Variants in LRP1B observed in about 807,000 individuals in gnomAD.
The protein encoded by LRP1B is low-density lipoprotein receptor-related protein 1B.
In LRP1B, 217 loss-of-function variants were observed where a neutral mutation model predicts 556.6. The ratio of observed to expected loss-of-function variants is 0.39; its 90% CI spans 0.35 to 0.44. LRP1B has a LOEUF of 0.44. Among genes scored for constraint, LRP1B ranks in the 20% least tolerant of loss-of-function variants. The pLI is 1.00. For synonymous variants in LRP1B, 2,047 were observed against 1,865.8 expected, an observed-to-expected ratio of 1.10 and a Z score of -2.50; for missense variants, 5,053 against 5,620.8, an observed-to-expected ratio of 0.90 and a Z score of 3.23.
chr2:141,685,042 T>C (rs764059502), intron 2 of LRP1B, among the ~76,000 whole-genome samples: 1 of 152,160 alleles, frequency 6.6e-6, no homozygotes, highest in Non-Finnish European at 1.5e-5. Context: ...TGGAGTTTTA[T>C]TTGTATTTCT....
intron 7 of LRP1B, among the ~76,000 whole-genome samples, chr2:141,145,922 C>CTTTTTTTTTTTTTTTTTTTTTTT (rs70991144): frequency 6.0e-5 from 4 of 67,204 alleles, no homozygotes; most frequent in Non-Finnish European, 8.0e-5. Flanking sequence ...TTCTTTCTTT[C>CTTTTTTTTTTTTTTTTTTTTTTT]TTTTTTTTTT....
chr2:140,301,204 G>T (rs1306950830), intron 83 of LRP1B, among the ~76,000 whole-genome samples: 1 of 151,988 alleles, frequency 6.6e-6, no homozygotes, highest in East Asian at 1.9e-4. Flanking sequence ...CTAAAGGAAA[G>T]AACACACATA....
intron 66 of LRP1B, among the ~76,000 whole-genome samples, chr2:140,425,052 CG>C (rs1463932636): frequency 6.6e-6 from 1 of 151,060 alleles, no homozygotes; most frequent in South Asian, 2.1e-4. Context: ...CTTGGAGGGA[CG>C]TTTTTTTTTT....
At chr2:140,271,541 A>G (rs1682462900) in intron 85 of LRP1B, among the ~76,000 whole-genome samples, 1 of 151,946 alleles carries the variant, frequency 6.6e-6, no homozygotes, top group African/African-American at 2.4e-5. Context: ...TTGTGTAGCT[A>G]CTGGAAATGC....
intron 41 of LRP1B, among the ~76,000 whole-genome samples, chr2:140,622,624 T>A (rs766821315): frequency 5.9e-5 from 9 of 152,216 alleles, no homozygotes; most frequent in Non-Finnish European, 1.0e-4. Flanking sequence ...ATTAGAACTT[T>A]AATTAATTTT....
At chr2:140,289,302 CTTTATCTAACT>C (rs1477450101) in intron 84 of LRP1B, among the ~76,000 whole-genome samples, 1 of 151,936 alleles carries the variant, frequency 6.6e-6, no homozygotes, top group Non-Finnish European at 1.5e-5. Flanking sequence ...TCGAAGTCCG[CTTTATCTAACT>C]TTTACTCTAA....
At chr2:142,060,402 T>C (rs1010870568) in intron 1 of LRP1B, among the ~76,000 whole-genome samples, 2 of 152,064 alleles carry the variant, frequency 1.3e-5, no homozygotes, top group African/African-American at 4.8e-5. Context: ...GGAGAAAATC[T>C]ATTGTCAGGG....
intron 22 of LRP1B, among the ~76,000 whole-genome samples, chr2:140,905,662 G>A (rs566904048): frequency 1.3e-5 from 2 of 152,114 alleles, no homozygotes; most frequent in Non-Finnish European, 2.9e-5. Context: ...CCCAGGTGGC[G>A]TAATCTTGTG....
At chr2:140,440,517 CA>C (rs542912567) in intron 66 of LRP1B, among the ~76,000 whole-genome samples, 1 of 152,094 alleles carries the variant, frequency 6.6e-6, no homozygotes, top group Non-Finnish European at 1.5e-5. Flanking sequence ...AGAATCATCC[CA>C]GGGAGTTTTA....
intron 2 of LRP1B, among the ~76,000 whole-genome samples, chr2:141,754,400 G>T (rs570007108): frequency 1.3e-5 from 2 of 152,116 alleles, no homozygotes; most frequent in African/African-American, 4.8e-5. Context: ...AGTCAGCAGT[G>T]TATAATTCAA....
chr2:140,475,133 C>G lies in LRP1B; in HGVS notation c.9625+5G>C, dbSNP rs1687917868. 2.6e-6 allele frequency: 4 copies of G among 1,517,302 alleles called. No homozygotes were observed. The highest frequency in any genetic ancestry group is 3.6e-6 in the Non-Finnish European group (4 of 1,125,716). The allele number at this position is 1,517,302 out of a possible 1,614,324, so 94.0% of individuals were successfully genotyped here. A position where few individuals can be genotyped will look rare whatever the true frequency, so the allele number is the denominator to read the frequency against. ...ATACTAGAATATTTATGTTACTGGA[C>G]CAACCTTTGTGTCTATGAGATCCAT... On this transcript the variant is annotated splice_donor_5th_base_variant and intron_variant, in intron 60 of 90. Coordinates refer to ENST00000389484, the MANE Select transcript of LRP1B (RefSeq NM_018557.3).
In LRP1B at chr2:140,353,001, C is replaced by T. The variant is rs182361356; in HGVS notation, c.11602G>A (p.Val3868Met). Reference sequence around the variant, plus strand: ...CTTTCTTGAAAATTCTGGTCACACACACATTTATATGATCCTTCCACATTT... The same window carrying T: ...CTTTCTTGAAAATTCTGGTCACACATACATTTATATGATCCTTCCACATTT... Reference protein sequence around the residue: ...CINVEGSYKCVCDQNFQERNN... With the variant: ...CINVEGSYKCMCDQNFQERNN... Residue 3868 changes from valine to methionine, a missense_variant, in exon 76 of 91, where the codon GTG becomes ATG. Physicochemically the swap from Val to Met is conservative, Grantham distance 21. Around this residue, in one of 5 missense-constraint regions of LRP1B, gnomAD observed 599 missense variants for 648.4 expected, o/e 0.92. Coordinates refer to ENST00000389484, the MANE Select transcript of LRP1B (RefSeq NM_018557.3). 22 of 1,612,854 alleles carry T rather than the reference C, an allele frequency of 1.4e-5. No individual in the cohort carries two copies. In the East Asian group the frequency reaches 3.1e-4, roughly 23 times the overall value.
chr2:141,739,688 T>C (rs1318751740), intron 2 of LRP1B, among the ~76,000 whole-genome samples: 1 of 151,946 alleles, frequency 6.6e-6, no homozygotes, highest in South Asian at 2.1e-4. Context: ...TTGTTTTTTT[T>C]TTTTTGCCAC....
At chr2:141,580,336 CT>C (rs1479854243) in intron 2 of LRP1B, among the ~76,000 whole-genome samples, 28 of 152,318 alleles carry the variant, frequency 1.8e-4, no homozygotes, top group African/African-American at 6.7e-4. Flanking sequence ...ATGGCAACTT[CT>C]TGGACGTAAC....
chr2:141,494,111 G>A (rs189953517), intron 2 of LRP1B, among the ~76,000 whole-genome samples: 30 of 152,274 alleles, frequency 2.0e-4, no homozygotes, highest in African/African-American at 6.5e-4. Context: ...GTGAAGACCT[G>A]CTAGTTCTGC....
intron 52 of LRP1B, among the ~76,000 whole-genome samples, chr2:140,509,541 C>T (rs1169395005): frequency 1.3e-5 from 2 of 152,166 alleles, no homozygotes; most frequent in Non-Finnish European, 2.9e-5. Flanking sequence ...TCAGAGAAGT[C>T]ATTCACAGAG....
At chr2:140,657,667 A>G (rs886188977) in intron 41 of LRP1B, among the ~76,000 whole-genome samples, 1 of 147,422 alleles carries the variant, frequency 6.8e-6, no homozygotes, top group African/African-American at 2.5e-5. Flanking sequence ...ATATATATAC[A>G]TACATATATA....
chr2:141,566,571 T>C (rs1262965680), intron 2 of LRP1B, among the ~76,000 whole-genome samples: 2 of 152,244 alleles, frequency 1.3e-5, no homozygotes, highest in Non-Finnish European at 2.9e-5. Context: ...TCTTCCAGTA[T>C]GAGTAACTTC....
intron 2 of LRP1B, among the ~76,000 whole-genome samples, chr2:141,663,920 C>CAAAAAAAAAA (rs796406816): frequency 1.8e-5 from 2 of 113,326 alleles, no homozygotes; most frequent in African/African-American, 3.0e-5. Flanking sequence ...AGAGATACAT[C>CAAAAAAAAAA]AAAAAAAAAA....
Sources: allele counts gnomAD v4.1 joint callset (sites outside exome capture counted in the v4.1 genomes callset), GRCh38; gene constraint gnomAD v4.1.1; regional missense constraint gnomAD v4.1.1; transcripts MANE v1.5; gene names NCBI Gene and HGNC (gene_info 2026-07-23, HGNC 2026-07-21).